The following CSMD1 variants were observed in gnomAD, a reference collection of about 807,000 sequenced individuals.
CSMD1 encodes CUB and Sushi multiple domains 1.
In CSMD1, 213 loss-of-function variants were observed where a neutral mutation model predicts 417.5. The observed-to-expected ratio is 0.51, with a 90% CI of 0.46 to 0.57. The LOEUF (loss-of-function observed/expected upper bound fraction) is 0.57, where lower values mean the gene tolerates loss of function less well. Ranked by LOEUF, CSMD1 falls within the 20% of genes least tolerant of loss-of-function variation. The pLI is 0.00. For missense variants in CSMD1, 6,923 were observed against 4,529.7 expected (o/e 1.53, Z -15.17); for synonymous variants, 2,862 against 1,736.8 (o/e 1.65, Z -16.11).
chr8:4,467,510 G>C (rs995707671), intron 2 of CSMD1, among the ~76,000 whole-genome samples: 5 of 152,164 alleles, frequency 3.3e-5, no homozygotes, highest in Non-Finnish European at 5.9e-5. Context: ...TCTGACTTAA[G>C]CACAGACAAC....
intron 1 of CSMD1, among the ~76,000 whole-genome samples, chr8:4,750,431 G>C (rs557589314): frequency 6.8e-4 from 104 of 152,228 alleles, no homozygotes; most frequent in African/African-American, 2.4e-3. Flanking sequence ...GCAATTAAAT[G>C]GTTTAGAAAA....
chr8:3,637,240 G>A (rs774431574), intron 7 of CSMD1, among the ~76,000 whole-genome samples: 1 of 152,162 alleles, frequency 6.6e-6, no homozygotes, highest in South Asian at 2.1e-4. Context: ...TTTGTAATCA[G>A]AATAATCCTT....
In CSMD1 at chr8:3,575,068, T is replaced by G; in HGVS notation, c.1223-2A>C. On this transcript the variant is annotated splice_acceptor_variant, in intron 9 of 69. Coordinates refer to ENST00000635120, the MANE Select transcript of CSMD1 (RefSeq NM_033225.6). LOFTEE classifies it high-confidence loss of function. ...GCAGATTGGATCCACATGTTCTCGCTGGAAACACATAGAAACGACGTTATT... is the reference window on the plus strand; with the variant it reads ...GCAGATTGGATCCACATGTTCTCGCGGGAAACACATAGAAACGACGTTATT... The G allele has an allele frequency of 6.2e-7, 1 of 1,612,670 alleles. No individual in the cohort carries two copies. Among genetic ancestry groups the G allele is most frequent in the Non-Finnish European group, 8.5e-7 (1 of 1,179,392 alleles).
intron 50 of CSMD1, among the ~76,000 whole-genome samples, chr8:3,035,935 C>T (rs577217863): frequency 1.3e-5 from 2 of 152,240 alleles, no homozygotes; most frequent in East Asian, 1.9e-4. Context: ...TTCAGGAGAA[C>T]ATTTACTGGA....
intron 10 of CSMD1, among the ~76,000 whole-genome samples, chr8:3,543,372 T>C (rs1259888910): frequency 6.6e-6 from 1 of 152,144 alleles, no homozygotes; most frequent in African/African-American, 2.4e-5. Flanking sequence ...AAACTGACTT[T>C]TGAAAATAAT....
chr8:4,228,922 C>G (rs1271959146), intron 3 of CSMD1, among the ~76,000 whole-genome samples: 1 of 152,050 alleles, frequency 6.6e-6, no homozygotes, highest in African/African-American at 2.4e-5. Context: ...CTGCCTCGGT[C>G]TCCAAAAGTG....
intron 23 of CSMD1, among the ~76,000 whole-genome samples, chr8:3,331,739 G>A (rs1041927036): frequency 2.6e-5 from 4 of 152,154 alleles, no homozygotes; most frequent in Non-Finnish European, 5.9e-5. Flanking sequence ...GAATGAACTT[G>A]GTATCTGACC....
At chr8:4,189,144 G>C (rs995530801) in intron 3 of CSMD1, among the ~76,000 whole-genome samples, 1 of 152,176 alleles carries the variant, frequency 6.6e-6, no homozygotes, top group Non-Finnish European at 1.5e-5. Flanking sequence ...AAGTTTGTGA[G>C]TCATCTCTGA....
intron 5 of CSMD1, among the ~76,000 whole-genome samples, chr8:3,987,488 T>C (rs906288850): frequency 6.6e-6 from 1 of 152,234 alleles, no homozygotes; most frequent in Non-Finnish European, 1.5e-5. Context: ...TGAGTATCTT[T>C]AATCTCCTTT....
chr8:3,018,383 G>A, intron 52 of CSMD1, 94 bp downstream of exon 52: 2 of 1,140,424 alleles, frequency 1.8e-6, no homozygotes, highest in Non-Finnish European at 1.2e-6. Flanking sequence ...AGGATTTAAG[G>A]CATTATAGCA....
intron 2 of CSMD1, among the ~76,000 whole-genome samples, chr8:4,525,288 G>A (rs1796457504): frequency 6.6e-6 from 1 of 152,108 alleles, no homozygotes; most frequent in African/African-American, 2.4e-5. Flanking sequence ...TCTGTAGTAT[G>A]GTCTGTAGGT....
At chr8:3,899,293 T>G in intron 5 of CSMD1, among the ~76,000 whole-genome samples, 1 of 152,220 alleles carries the variant, frequency 6.6e-6, no homozygotes, top group South Asian at 2.1e-4. Context: ...GAAATGGCAC[T>G]TTCAAGTACG....
At chr8:3,074,882 C>A (rs2129000314) in intron 49 of CSMD1, among the ~76,000 whole-genome samples, 1 of 152,208 alleles carries the variant, frequency 6.6e-6, no homozygotes, top group African/African-American at 2.4e-5. Flanking sequence ...TGGTTTGTAT[C>A]TATGTCCCCA....
chr8:4,281,830 G>C (rs573896575), intron 3 of CSMD1, among the ~76,000 whole-genome samples: 2 of 152,194 alleles, frequency 1.3e-5, no homozygotes, highest in East Asian at 1.9e-4. Context: ...TGATTTTCTA[G>C]AGCTGCCTCA....
At chr8:3,828,119 G>T (rs1404142481) in intron 5 of CSMD1, among the ~76,000 whole-genome samples, 1 of 152,106 alleles carries the variant, frequency 6.6e-6, no homozygotes. Context: ...TAGCCCATAT[G>T]GCAGAACCTG....
chr8:4,080,785 C>G (rs1018436639), intron 3 of CSMD1, among the ~76,000 whole-genome samples: 1 of 152,120 alleles, frequency 6.6e-6, no homozygotes, highest in Non-Finnish European at 1.5e-5. Flanking sequence ...AATTACCACA[C>G]CCCTCTCTAA....
intron 1 of CSMD1, among the ~76,000 whole-genome samples, chr8:4,923,325 A>G (rs1214725243): frequency 6.6e-6 from 1 of 152,134 alleles, no homozygotes; most frequent in East Asian, 1.9e-4. Flanking sequence ...CGTATTGGTT[A>G]GGAGCATGAA....
intron 5 of CSMD1, among the ~76,000 whole-genome samples, chr8:3,842,434 A>C (rs953289780): frequency 1.3e-5 from 2 of 152,194 alleles, no homozygotes; most frequent in Non-Finnish European, 2.9e-5. Context: ...ACTATATTTT[A>C]AACAGATGTT....
chr8:4,883,645 T>A (rs1335383037), intron 1 of CSMD1, among the ~76,000 whole-genome samples: 1 of 152,176 alleles, frequency 6.6e-6, no homozygotes, highest in Non-Finnish European at 1.5e-5. Context: ...TATTGTAGCA[T>A]GTATTAGTAC....
Sources: allele counts gnomAD v4.1 joint callset (sites outside exome capture counted in the v4.1 genomes callset), GRCh38; gene constraint gnomAD v4.1.1; transcripts MANE v1.5; gene names NCBI Gene and HGNC (gene_info 2026-07-23, HGNC 2026-07-21).